ACTR5: variants seen among roughly 807,000 people sequenced by gnomAD.
ACTR5 encodes the protein actin-related protein 5.
A neutral mutation model predicts 61.2 loss-of-function variants in ACTR5; 43 were observed. That is an observed-to-expected ratio of 0.70 (90% CI 0.55 to 0.91). The LOEUF is 0.91. ACTR5 is among the 40% of genes least tolerant of loss of function. The pLI, the probability that ACTR5 is intolerant of heterozygous loss-of-function variation, is 0.00. For missense variants in ACTR5, 798 were observed against 782.2 expected (o/e 1.02, Z -0.24); for synonymous variants, 333 against 310.5 (o/e 1.07, Z -0.76).
rs777024733 is a variant in ACTR5, at chr20:38,766,329, G to T, written c.1385G>T (p.Gly462Val). The T allele has an allele frequency of 1.2e-6, 2 of 1,613,990 alleles. No individual in the cohort carries two copies. The highest frequency in any genetic ancestry group is 4.5e-5 in the East Asian group (2 of 44,880). The change falls in exon 7 of 9, where the codon GGA (glycine) becomes GTA (valine). Residue 462 changes from glycine to valine, a missense_variant. Coordinates refer to ENST00000243903, the MANE Select transcript of ACTR5 (RefSeq NM_024855.4). ...ATTATTTTCCAGCCATCTCTCATAG[G>T]AGAAGAACAGGCTGGGATTGCAGAG... ...PEIIFQPSLI[G>V]EEQAGIAETL... is the part of the protein sequence containing the mutation.
At chr20:38,749,033 G>T (rs916787793) in intron 1 of ACTR5, among the ~76,000 whole-genome samples, 180 bp downstream of exon 1, 1 of 152,196 alleles carries the variant, frequency 6.6e-6, no homozygotes, top group African/African-American at 2.4e-5. Flanking sequence ...TTGTATCTTG[G>T]AGCATACCTT....
Position 38,749,991 on chromosome 20 carries a change from C to T in ACTR5, c.376-19C>T. On this transcript the variant is annotated intron_variant, in intron 1 of 8. Transcript: ENST00000243903. ...TATTCTGTTACCACTCATTTATTTG[C>T]CCTTTTCTTTCAAAGTAGGGCTGTG... The T allele has an allele frequency of 3.8e-6, 6 of 1,597,990 alleles. No individual in the cohort carries two copies. Among genetic ancestry groups the T allele is most frequent in the Non-Finnish European group, 5.1e-6 (6 of 1,166,970 alleles).
In ACTR5 at chr20:38,767,451, G is replaced by T. The variant is rs2084493850; in HGVS notation, c.1434-13G>T. ...GAGTTAAGGGACTATATTAGGAGTT[G>T]TTTCTTTCCTAGGTACCCAAAGGAC... On this transcript the variant is annotated splice_polypyrimidine_tract_variant and intron_variant, in intron 7 of 8. Coordinates refer to ENST00000243903, the MANE Select transcript of ACTR5 (RefSeq NM_024855.4). 1.2e-6 allele frequency: 2 copies of T among 1,612,320 alleles called. No homozygotes were observed. The highest frequency in any genetic ancestry group is 1.7e-6 in the Non-Finnish European group (2 of 1,179,204).
At position 38,750,215 on chromosome 20, in the gene ACTR5, A is replaced by G. The variant is rs756681046; in HGVS notation, c.581A>G (p.His194Arg). 1.6e-5 allele frequency: 26 copies of G among 1,614,134 alleles called. No homozygotes were observed. Among genetic ancestry groups the G allele is most frequent in the Non-Finnish European group, 2.2e-5 (26 of 1,179,998 alleles). ...ATTTCATCTGGATACCAGTGTACGC[A>G]TGTTTTACCCATCTTAGAAGGGAGG... ...LIISSGYQCTHVLPILEGRLD... is the reference protein window; with the variant it reads ...LIISSGYQCTRVLPILEGRLD... The change falls in exon 2 of 9, where the codon CAT becomes CGT. Residue 194 changes from histidine to arginine, a missense_variant. Coordinates refer to ENST00000243903, the MANE Select transcript of ACTR5 (RefSeq NM_024855.4).
intron 1 of ACTR5, 112 bp downstream of exon 1, chr20:38,748,965 CTT>C (rs2084369993): frequency 3.0e-6 from 4 of 1,347,996 alleles, no homozygotes; most frequent in Non-Finnish European, 2.0e-6. Context: ...CTCCGATTGT[CTT>C]TTAGTCGACC....
chr20:38,756,087 T>G, intron 5 of ACTR5, 48 bp downstream of exon 5: 10 of 1,541,808 alleles, frequency 6.5e-6, no homozygotes, highest in Non-Finnish European at 8.7e-6. Flanking sequence ...GGGAGGAGTG[T>G]CCTGAGAGGC....
In ACTR5 at chr20:38,767,611, A is replaced by T. The variant is rs1422166786; in HGVS notation, c.1566+15A>T. 1 of 1,594,410 alleles carries T rather than the reference A, an allele frequency of 6.3e-7. No individual in the cohort carries two copies. Among genetic ancestry groups the T allele is most frequent in the Non-Finnish European group, 8.6e-7 (1 of 1,168,542 alleles). ...CTTCTTTTCAGGTACTGATTGTTCG[A>T]GTAGTCAATTATTTTGAAAATAGCA... On this transcript the variant is annotated intron_variant, in intron 8 of 8. Transcript: ENST00000243903.
chr20:38,763,109 G>T (rs1024072515), intron 5 of ACTR5, among the ~76,000 whole-genome samples: 17 of 152,112 alleles, frequency 1.1e-4, no homozygotes, highest in Admixed American at 7.2e-4. Flanking sequence ...TATACCTTTG[G>T]TTGCCATTCC....
intron 5 of ACTR5, 126 bp downstream of exon 5, chr20:38,756,165 G>A (rs2084418986): frequency 1.8e-5 from 20 of 1,103,170 alleles, no homozygotes; most frequent in Non-Finnish European, 2.4e-5. Context: ...GGTGGTGGTG[G>A]AGATGGCACT....
chr20:38,765,569 A>C (rs1165361385), intron 6 of ACTR5, 51 bp downstream of exon 6: 1 of 1,463,950 alleles, frequency 6.8e-7, no homozygotes. Flanking sequence ...GTGTTGACCT[A>C]AATGGCTGGG....
At position 38,752,270 on chromosome 20, in the gene ACTR5, C is replaced by T. The variant is rs772072841; in HGVS notation, c.745C>T (p.His249Tyr). ...CCGCATGGAGGAGATTCTGCATGAGCACAGCTACATCGCTGAGGATTATGT... is the reference window on the plus strand; with the variant it reads ...CCGCATGGAGGAGATTCTGCATGAGTACAGCTACATCGCTGAGGATTATGT... ...LSRMEEILHE[H>Y]SYIAEDYVEE... Residue 249 changes from histidine to tyrosine, a missense_variant, in exon 3 of 9, where the codon CAC (histidine) becomes TAC (tyrosine). By Grantham distance (83) the His-to-Tyr change is moderately conservative. Coordinates refer to ENST00000243903, the MANE Select transcript of ACTR5 (RefSeq NM_024855.4). 1.2e-6 allele frequency: 2 copies of T among 1,613,242 alleles called. No homozygotes were observed. Among genetic ancestry groups the T allele is most frequent in the African/African-American group, 1.3e-5 (1 of 74,922 alleles).
At chr20:38,771,443 G>A in intron 8 of ACTR5, 116 bp from the exon 9 acceptor site, 1 of 1,406,850 alleles carries the variant, frequency 7.1e-7, no homozygotes. Context: ...GGAGTGCACT[G>A]GGCCCACCTA....
At position 38,752,244 on chromosome 20, in the gene ACTR5, G is replaced by A; in HGVS notation, c.719G>A (p.Ser240Asn). The A allele has an allele frequency of 1.2e-6, 2 of 1,614,066 alleles. No individual in the cohort carries two copies. The highest frequency in any genetic ancestry group is 1.7e-6 in the Non-Finnish European group (2 of 1,179,928). The change falls in exon 3 of 9, where the codon AGC becomes AAC. Residue 240 changes from serine to asparagine, a missense_variant. Physicochemically the swap from Ser to Asn is conservative, Grantham distance 46 (BLOSUM62 1). Transcript: ENST00000243903. ...GGGCACCTGGCAGCCATCACCCTCAGCCGCATGGAGGAGATTCTGCATGAG... is the reference window on the plus strand; with the variant it reads ...GGGCACCTGGCAGCCATCACCCTCAACCGCATGGAGGAGATTCTGCATGAG... ...YPGHLAAITLSRMEEILHEHS... is the reference protein window; with the variant it reads ...YPGHLAAITLNRMEEILHEHS...
intron 3 of ACTR5, 41 bp from the exon 4 acceptor site, chr20:38,754,916 A>T: frequency 1.3e-6 from 2 of 1,597,118 alleles, no homozygotes; most frequent in Non-Finnish European, 1.7e-6. Flanking sequence ...TTGTGTTAAT[A>T]GTGTTTCCAT....
At chr20:38,765,255 T>TA in intron 5 of ACTR5, 147 bp from the exon 6 acceptor site, 2 of 635,518 alleles carry the variant, frequency 3.1e-6, no homozygotes, top group Non-Finnish European at 5.5e-6. Flanking sequence ...TGTGCTTTTT[T>TA]AAAAATAGCT....
chr20:38,760,606 GTCC>G (rs1263859892), intron 5 of ACTR5, among the ~76,000 whole-genome samples: 2 of 152,212 alleles, frequency 1.3e-5, no homozygotes, highest in East Asian at 1.9e-4. Context: ...CTACGTAGGT[GTCC>G]TCCTGGTTCG....
chr20:38,759,251 A>G (rs2084438963), intron 5 of ACTR5, among the ~76,000 whole-genome samples: 1 of 152,178 alleles, frequency 6.6e-6, no homozygotes, highest in African/African-American at 2.4e-5. Context: ...TGTTTTAGGG[A>G]ACCATGCTGC....
At chr20:38,767,642 T>A (rs894356840) in intron 8 of ACTR5, 46 bp downstream of exon 8, 2 of 1,553,132 alleles carry the variant, frequency 1.3e-6, no homozygotes, top group Middle Eastern at 1.7e-4. Flanking sequence ...TAGCATTACC[T>A]GTTTTCTGAT....
chr20:38,751,340 T>A (rs973057361), intron 2 of ACTR5, among the ~76,000 whole-genome samples: 1 of 152,238 alleles, frequency 6.6e-6, no homozygotes, highest in Non-Finnish European at 1.5e-5. Context: ...ACCATTGAAT[T>A]TCTCATGAAG....
Sources: gnomAD v4.1 joint callset for allele counts (sites outside exome capture counted in the v4.1 genomes callset) on GRCh38, gnomAD v4.1.1 for gene constraint, MANE v1.5 for transcripts, NCBI Gene and HGNC (gene_info 2026-07-23, HGNC 2026-07-21) for gene names.